Variants in ADGRD1 observed in about 807,000 individuals in gnomAD.
The protein encoded by ADGRD1 is adhesion G protein-coupled receptor D1.
ADGRD1 carries 77 observed loss-of-function variants against 113.4 expected under a neutral mutation model. The observed-to-expected ratio is 0.68, with a 90% confidence interval of 0.57 to 0.82. The LOEUF (loss-of-function observed/expected upper bound fraction) is 0.82, where lower values mean the gene tolerates loss of function less well. Ranked by LOEUF, ADGRD1 falls within the 40% of genes least tolerant of loss-of-function variation. The probability of loss-of-function intolerance (pLI) is 0.00; values close to 1 mark genes in which losing one functional copy is unlikely to be tolerated. For synonymous variants in ADGRD1, 474 were observed against 475.0 expected (o/e 1.00, Z 0.03); for missense variants, 1,036 against 1,139.1 (o/e 0.91, Z 1.30).
chr12:130,991,012 AG>A lies in ADGRD1; in HGVS notation c.746del, dbSNP rs751799320. On this transcript the variant is annotated splice_acceptor_variant, in intron 6 of 24. Transcript: ENST00000261654. LOFTEE classifies it high-confidence loss of function. ...TCCTTAATCCAGCATTGTTTCTTCCAGGAAAGCATGCTTTATTGTCTTCAAC... is the reference window on the plus strand; with the variant it reads ...TCCTTAATCCAGCATTGTTTCTTCCAGAAAGCATGCTTTATTGTCTTCAAC... 2 of 1,613,766 alleles carry A rather than the reference AG, an allele frequency of 1.2e-6. No individual in the cohort carries two copies. Among genetic ancestry groups the A allele is most frequent in the Non-Finnish European group, 1.7e-6 (2 of 1,179,690 alleles).
At chr12:131,128,683 A>G (rs1440982768) in intron 20 of ADGRD1, among the ~76,000 whole-genome samples, 4 of 152,188 alleles carry the variant, frequency 2.6e-5, no homozygotes, top group South Asian at 2.1e-4. Flanking sequence ...TTTCATGGGT[A>G]TCCTGGGGTT....
At chr12:131,136,776 C>T (rs1429460630) in intron 22 of ADGRD1, among the ~76,000 whole-genome samples, 197 bp from the exon 23 acceptor site, 11 of 152,232 alleles carry the variant, frequency 7.2e-5, no homozygotes, top group Non-Finnish European at 1.6e-4. Flanking sequence ...GAACTCGGTC[C>T]GAGCAGCTGC....
intron 22 of ADGRD1, among the ~76,000 whole-genome samples, 194 bp downstream of exon 22, chr12:131,136,357 CG>C (rs1951086065): frequency 6.6e-6 from 1 of 152,224 alleles, no homozygotes; most frequent in Non-Finnish European, 1.5e-5. Flanking sequence ...CCCTTCAGGG[CG>C]GGGCTGCCTA....
chr12:130,955,123 C>CTTTTTT lies in ADGRD1; in HGVS notation c.103+471_103+476dup, dbSNP rs71451389. 5.2e-4 allele frequency among the ~76,000 whole-genome samples: 52 copies of CTTTTTT among 99,664 alleles called. 2 individuals carry two copies. The highest frequency in any genetic ancestry group is 9.6e-4 in the South Asian group (3 of 3,120). 65.4% of individuals were successfully genotyped at this position (99,664 alleles called of 152,430 possible). ...CACAGGTGTGCACCACTACACCCAG[C>CTTTTTT]TTTTTTTTTTTTTGTATTTTTAGTA... On this transcript the variant is annotated intron_variant, in intron 2 of 24. Coordinates refer to ENST00000261654, the MANE Select transcript of ADGRD1 (RefSeq NM_198827.5).
In ADGRD1 at chr12:131,084,567, C is replaced by A. The variant is rs1272522411; in HGVS notation, c.1575C>A (p.His525Gln). The change falls in exon 15 of 25, where the codon CAC becomes CAA. Residue 525 changes from histidine to glutamine, a missense_variant. By Grantham distance (24) the His-to-Gln change is conservative. Transcript: ENST00000261654. The surrounding 1 kb of genome is among the most constrained non-coding windows in gnomAD (Gnocchi z 4.5). ...FSSGEGVWSN[H>Q]GCALTRGNLT... The stretch of plus-strand genomic sequence containing the variant: ...CCGGAGAAGGGGTCTGGTCGAACCA[C>A]GGCTGTGCGCTCACGAGAGGAAACC... 2.5e-6 allele frequency: 4 copies of A among 1,614,122 alleles called. No individual in the cohort carries two copies. Among genetic ancestry groups the A allele is most frequent in the Non-Finnish European group, 3.4e-6 (4 of 1,179,998 alleles).
intron 12 of ADGRD1, among the ~76,000 whole-genome samples, chr12:131,010,795 A>C (rs1877772422): frequency 6.6e-6 from 1 of 152,114 alleles, no homozygotes; most frequent in African/African-American, 2.4e-5. Context: ...CAGGAACAAG[A>C]ATGGGGGCAC....
chr12:131,033,190 C>T lies in ADGRD1; in HGVS notation c.1473+18850C>T, dbSNP rs577656827. Among the ~76,000 whole-genome samples, 1,029 of 145,986 alleles carry T rather than the reference C, an allele frequency of 7.0e-3. 38 individuals are homozygous for T. The highest frequency in any genetic ancestry group is 1.6e-3 in the Non-Finnish European group (108 of 65,888). ...GCCCTGCCCGAGCTCTTTTTTTGTG[C>T]GGGCAGGGCCGTTGGGTGGGTCCCC... On this transcript the variant is annotated intron_variant, in intron 13 of 24. Transcript: ENST00000261654.
At chr12:130,992,758 GC>G (rs1191395134) in intron 8 of ADGRD1, among the ~76,000 whole-genome samples, 2 of 152,258 alleles carry the variant, frequency 1.3e-5, no homozygotes, top group Non-Finnish European at 2.9e-5. Flanking sequence ...GGCAGATCCA[GC>G]CGTGGGGCGT....
rs1052426951 is a variant in ADGRD1, at chr12:131,019,369, C to A, written c.1473+5029C>A. Among the ~76,000 whole-genome samples the A allele has an allele frequency of 1.8e-4, 28 of 152,314 alleles. 1 individual carries two copies. The Middle Eastern group carries it at 0.01, about 56-fold the overall frequency. ...CTGAGGCTCTGGACAGGGATGCTAC[C>A]CACACACCACCCTGGGACGCCAGGG... On this transcript the variant is annotated intron_variant, in intron 13 of 24. Coordinates refer to ENST00000261654, the MANE Select transcript of ADGRD1 (RefSeq NM_198827.5).
intron 20 of ADGRD1, among the ~76,000 whole-genome samples, chr12:131,121,572 G>T (rs1950594299): frequency 6.6e-6 from 1 of 152,170 alleles, no homozygotes; most frequent in Non-Finnish European, 1.5e-5. Flanking sequence ...TAGAGACGGG[G>T]TTTCACCGTG....
rs556437893 is a variant in ADGRD1 at position 131,080,392 on chromosome 12, A to G, written c.1547+3518A>G. Among the ~76,000 whole-genome samples the G allele has an allele frequency of 7.9e-5, 12 of 151,954 alleles. No individual in the cohort carries two copies. The South Asian group carries it at 2.5e-3, about 32-fold the overall frequency. ...TGTTAAAAGTTTTTATGACACCCCCATATATGTTCAGTCTTTGATGAAAGT... is the reference window on the plus strand; with the variant it reads ...TGTTAAAAGTTTTTATGACACCCCCGTATATGTTCAGTCTTTGATGAAAGT... On this transcript the variant is annotated intron_variant, in intron 14 of 24. Transcript: ENST00000261654.
In ADGRD1 at chr12:131,105,794, G is replaced by A. The variant is rs1394144734; in HGVS notation, c.1816G>A (p.Ala606Thr). Reference sequence around the variant, plus strand: ...CCGGAACCAGCGCTACCACATCCACGCCAACCTGTCCTTCGCCGTGCTGGT... The same window carrying A: ...CCGGAACCAGCGCTACCACATCCACACCAACCTGTCCTTCGCCGTGCTGGT... ...TIRNQRYHIH[A>T]NLSFAVLVAQ... The change falls in exon 17 of 25, where the codon GCC becomes ACC. Residue 606 changes from alanine (A) to threonine (T), a missense_variant. Physicochemically the swap from Ala to Thr is moderately conservative, Grantham distance 58 (BLOSUM62 0). Coordinates refer to ENST00000261654, the MANE Select transcript of ADGRD1 (RefSeq NM_198827.5). 6 of 1,601,248 alleles carry A rather than the reference G, an allele frequency of 3.7e-6. No homozygotes were observed. The highest frequency in any genetic ancestry group is 4.5e-5 in the East Asian group (2 of 44,890).
chr12:130,988,632 C>T (rs1160203080), intron 6 of ADGRD1: 1 of 152,202 alleles, frequency 6.6e-6, no homozygotes, highest in African/African-American at 2.4e-5. Context: ...TGGTTTGGTC[C>T]AGGTGCTCAC....
intron 13 of ADGRD1, 72 bp from the exon 14 acceptor site, chr12:131,076,729 C>T (rs752997092): frequency 7.5e-7 from 1 of 1,325,256 alleles, no homozygotes; most frequent in Non-Finnish European, 1.1e-6. Context: ...GGGTCTCGCT[C>T]TCACATCAGT....
chr12:130,982,263 T>C (rs1873099250), intron 5 of ADGRD1, among the ~76,000 whole-genome samples, 200 bp downstream of exon 5: 1 of 152,162 alleles, frequency 6.6e-6, no homozygotes, highest in Non-Finnish European at 1.5e-5. Context: ...CCGCCTTTGG[T>C]TGGTGCAGAG....
intron 15 of ADGRD1, among the ~76,000 whole-genome samples, chr12:131,094,843 G>A (rs1887167602): frequency 6.6e-6 from 1 of 152,232 alleles, no homozygotes; most frequent in Admixed American, 6.5e-5. Context: ...CCTTACAGAT[G>A]AGTTTTCCTG....
Position 131,022,671 on chromosome 12 carries a change from C to G in ADGRD1, c.1473+8331C>G, listed in dbSNP as rs909596548. The G allele has an allele frequency of 1.3e-5, 2 of 152,142 alleles. No individual in the cohort carries two copies. The highest frequency in any genetic ancestry group is 4.8e-5 in the African/African-American group (2 of 41,414). 9.4% of individuals were successfully genotyped at this position (152,142 alleles called of 1,614,324 possible). A position where few individuals can be genotyped will look rare whatever the true frequency, so the allele number is the denominator to read the frequency against. On this transcript the variant is annotated intron_variant, in intron 13 of 24. Coordinates refer to ENST00000261654, the MANE Select transcript of ADGRD1 (RefSeq NM_198827.5). This position sits in a 1 kb window ranked among gnomAD's most constrained non-coding sequence, Gnocchi z 4.6. ...GATGCCTCCCTCATTTTCTGAGTCC[C>G]TCCTTACATTCAGGCATTAAAGATA...
chr12:130,955,750 T>C (rs901325261), intron 2 of ADGRD1, among the ~76,000 whole-genome samples: 13 of 152,138 alleles, frequency 8.5e-5, no homozygotes, highest in African/African-American at 3.1e-4. Flanking sequence ...CCTGCCTGTC[T>C]CTGATGGGAA....
At chr12:131,039,487 T>A (rs1881895246) in intron 13 of ADGRD1, among the ~76,000 whole-genome samples, 1 of 152,248 alleles carries the variant, frequency 6.6e-6, no homozygotes, top group Non-Finnish European at 1.5e-5. Context: ...GTGCCTGAGA[T>A]GGAAAGATTG....
Sources: gnomAD v4.1 joint callset for allele counts (sites outside exome capture counted in the v4.1 genomes callset) on GRCh38, gnomAD v4.1.1 for gene constraint, Gnocchi (gnomAD v3.1) non-coding constraint, MANE v1.5 for transcripts, NCBI Gene and HGNC (gene_info 2026-07-23, HGNC 2026-07-21) for gene names.